Variants in SRGAP2 observed in about 807,000 individuals in gnomAD.
SRGAP2 encodes SLIT-ROBO Rho GTPase activating protein 2.
In SRGAP2, 15 loss-of-function variants were observed where a neutral mutation model predicts 57.2. The observed-to-expected ratio is 0.26, with a 90% CI of 0.18 to 0.40. The LOEUF (loss-of-function observed/expected upper bound fraction) is 0.40. Among genes scored for constraint, SRGAP2 ranks in the 10% least tolerant of loss-of-function variants. SRGAP2 has a pLI of 1.00. For missense variants in SRGAP2, 520 were observed against 669.6 expected, an observed-to-expected ratio of 0.78 and a Z score of 2.47; for synonymous variants, 249 against 248.0, an observed-to-expected ratio of 1.00 and a Z score of -0.04.
intron 5 of SRGAP2, among the ~76,000 whole-genome samples, chr1:206,390,637 A>AG (rs2103090444): frequency 6.7e-6 from 1 of 149,784 alleles, no homozygotes; most frequent in African/African-American, 2.4e-5. Flanking sequence ...GTGAAAAAAG[A>AG]GAAAAAAAAG....
intron 2 of SRGAP2, among the ~76,000 whole-genome samples, chr1:206,285,717 G>C (rs1251837387): frequency 6.6e-6 from 1 of 152,082 alleles, no homozygotes; most frequent in Non-Finnish European, 1.5e-5. Context: ...ACCCAGGCTG[G>C]AGTGCAGCGG....
At chr1:206,352,746 G>T (rs1300268519) in intron 4 of SRGAP2, among the ~76,000 whole-genome samples, 1 of 148,504 alleles carries the variant, frequency 6.7e-6, no homozygotes, top group Non-Finnish European at 1.5e-5. Flanking sequence ...CATTATTTCT[G>T]ATGAGAAATC....
chr1:206,375,750 CTT>C (rs1655141250), intron 4 of SRGAP2, among the ~76,000 whole-genome samples: 1 of 152,074 alleles, frequency 6.6e-6, no homozygotes, highest in South Asian at 2.1e-4. Context: ...TGACAAGAGA[CTT>C]TGGTCAGGGA....
At chr1:206,304,556 T>A (rs1162522420) in intron 3 of SRGAP2, among the ~76,000 whole-genome samples, 240 of 152,366 alleles carry the variant, frequency 1.6e-3, no homozygotes, top group African/African-American at 5.6e-3. Context: ...CAAATTTCCA[T>A]TGGGCTGCAT....
chr1:206,312,997 C>T (rs115848115), intron 3 of SRGAP2, among the ~76,000 whole-genome samples: 3,492 of 151,472 alleles, frequency 0.023, 106 homozygotes, highest in African/African-American at 0.08. Flanking sequence ...AATTACCTTT[C>T]GGTCATAGCT....
At chr1:206,441,013 C>T (rs561119358) in intron 17 of SRGAP2, among the ~76,000 whole-genome samples, 2 of 152,196 alleles carry the variant, frequency 1.3e-5, no homozygotes, top group South Asian at 4.2e-4. Context: ...GAGGAGGGGT[C>T]AGGTTTGTGA....
intron 3 of SRGAP2, among the ~76,000 whole-genome samples, chr1:206,303,703 T>A (rs1177967546): frequency 4.6e-5 from 7 of 152,176 alleles, no homozygotes; most frequent in African/African-American, 1.7e-4. Context: ...CAAACTTGTT[T>A]ATAGCTCTGT....
intron 14 of SRGAP2, among the ~76,000 whole-genome samples, chr1:206,431,051 G>A (rs1383379065): frequency 6.6e-6 from 1 of 152,128 alleles, no homozygotes; most frequent in Non-Finnish European, 1.5e-5. Flanking sequence ...ATAAAATATT[G>A]CTTGTCTAAA....
chr1:206,377,262 T>G (rs1191292118), intron 4 of SRGAP2, among the ~76,000 whole-genome samples: 4 of 151,610 alleles, frequency 2.6e-5, no homozygotes, highest in Non-Finnish European at 5.9e-5. Flanking sequence ...ACTAGGATAG[T>G]TTATATCCAT....
intron 10 of SRGAP2, among the ~76,000 whole-genome samples, chr1:206,409,999 G>C (rs1302738145): frequency 6.6e-6 from 1 of 152,186 alleles, no homozygotes; most frequent in East Asian, 1.9e-4. Context: ...TACTCAGGAG[G>C]CTGAGGCAGG....
intron 11 of SRGAP2, among the ~76,000 whole-genome samples, chr1:206,418,936 GTA>G (rs761920629): frequency 6.7e-4 from 92 of 138,282 alleles, no homozygotes; most frequent in African/African-American, 1.9e-3. Flanking sequence ...GTGTGTGTGT[GTA>G]TACTCAGGAG....
chr1:206,229,478 C>A (rs1297091228), intron 2 of SRGAP2, among the ~76,000 whole-genome samples: 5 of 152,296 alleles, frequency 3.3e-5, no homozygotes, highest in African/African-American at 1.2e-4. Flanking sequence ...GCCTGCTTGG[C>A]TGTGCCGCAA....
At chr1:206,439,005 T>A (rs78611897) in intron 16 of SRGAP2, among the ~76,000 whole-genome samples, 1,881 of 152,234 alleles carry the variant, frequency 0.012, 22 homozygotes, top group South Asian at 0.025. Flanking sequence ...GTGAGTTATG[T>A]GGGTGATTAA....
intron 13 of SRGAP2, among the ~76,000 whole-genome samples, chr1:206,429,523 C>G (rs1345128562): frequency 2.6e-5 from 4 of 152,294 alleles, no homozygotes; most frequent in Non-Finnish European, 5.9e-5. Flanking sequence ...GAACATACCC[C>G]CAGCAGGAGC....
chr1:206,229,931 T>TACACACACACAC (rs66901207), intron 2 of SRGAP2, among the ~76,000 whole-genome samples: 120 of 141,762 alleles, frequency 8.5e-4, no homozygotes, highest in African/African-American at 1.8e-3. Context: ...TACACATACA[T>TACACACACACAC]ACACACACAC....
intron 17 of SRGAP2, among the ~76,000 whole-genome samples, chr1:206,443,238 G>T (rs1662466587): frequency 6.6e-6 from 1 of 152,190 alleles, no homozygotes; most frequent in Admixed American, 6.5e-5. Flanking sequence ...TGAAACTGTA[G>T]AAATACAGTA....
chr1:206,325,679 A>G (rs1262689820), intron 3 of SRGAP2, among the ~76,000 whole-genome samples: 1 of 151,574 alleles, frequency 6.6e-6, no homozygotes, highest in Admixed American at 6.6e-5. Flanking sequence ...ACTGTTGCCT[A>G]CTTAATTTTT....
chr1:206,280,099 G>T (rs1164633676), intron 2 of SRGAP2, among the ~76,000 whole-genome samples: 2 of 152,040 alleles, frequency 1.3e-5, no homozygotes, highest in African/African-American at 2.4e-5. Context: ...ATTTCATTTT[G>T]TGTACCTGAT....
chr1:206,300,978 G>C (rs1205434732), intron 2 of SRGAP2, among the ~76,000 whole-genome samples: 1 of 152,164 alleles, frequency 6.6e-6, no homozygotes, highest in Non-Finnish European at 1.5e-5. Flanking sequence ...CTGTACATCT[G>C]TTACTGATTC....
Sources: gnomAD v4.1 joint callset for allele counts (sites outside exome capture counted in the v4.1 genomes callset) on GRCh38, gnomAD v4.1.1 for gene constraint, MANE v1.5 for transcripts, NCBI Gene and HGNC (gene_info 2026-07-23, HGNC 2026-07-21) for gene names.